NUDT10: variants seen among roughly 807,000 people sequenced by gnomAD.
NUDT10 encodes nudix hydrolase 10.
A neutral mutation model predicts 10.5 loss-of-function variants in NUDT10; 2 were observed. The observed-to-expected ratio is 0.19, with a 90% CI of 0.08 to 0.60. The LOEUF is 0.60. NUDT10 is among the 20% of genes least tolerant of loss of function. The pLI is 0.89. For synonymous variants in NUDT10, 53 were observed against 71.8 expected (o/e 0.74, Z 1.32); for missense variants, 75 against 149.5 (o/e 0.50, Z 2.60).
upstream of NUDT10, chrX:51,332,810 G>A (rs1360436108): frequency 3.4e-6 from 3 of 885,670 alleles, no homozygotes; most frequent in South Asian, 3.0e-5. Context: ...TCCGCTCCCC[G>A]GGCTCGGGGG....
Position 51,337,331 on chromosome X carries a change from CTGATA to C in NUDT10, c.*1102_*1106del, listed in dbSNP as rs782721282. The C allele has an allele frequency of 1.9e-4, 21 of 111,607 alleles. No individual in the cohort carries two copies. Among genetic ancestry groups the C allele is most frequent in the East Asian group, 1.1e-3 (4 of 3,539 alleles). The allele number at this position is 111,607 out of a possible 1,213,427, so 9.2% of individuals were successfully genotyped here. Reference sequence around the variant, plus strand: ...CATCTACATTCTCAAACATCTGTGGCTGATATGATATGATTCTTGGAATTTGCTTC... The same window carrying C: ...CATCTACATTCTCAAACATCTGTGGCTGATATGATTCTTGGAATTTGCTTC... On this transcript the variant is annotated 3_prime_UTR_variant, in exon 2 of 2. Transcript: ENST00000356450.
intron 1 of NUDT10, among the ~76,000 whole-genome samples, chrX:51,334,810 G>A (rs782599219): frequency 9.0e-6 from 1 of 111,613 alleles, no homozygotes; most frequent in Non-Finnish European, 1.9e-5. Flanking sequence ...CTAATTTCTA[G>A]AGCAACCTAG....
At chrX:51,333,787 AGT>A (rs1165447894) in intron 1 of NUDT10, among the ~76,000 whole-genome samples, 1 of 44,800 alleles carries the variant, frequency 2.2e-5, no homozygotes, top group African/African-American at 9.0e-5. Context: ...GTGGGCGGGG[AGT>A]GTGTGTGTCT....
Position 51,332,847 on chromosome X carries a change from C to T in NUDT10, c.-119C>T. On this transcript the variant is annotated 5_prime_UTR_variant, in exon 1 of 2. Transcript: ENST00000356450. ...AGACGGCAGACGGAGGCGCCTCTCT[C>T]TCCCCGCCCCTCTCCTCGGCCCTTT... is the stretch of plus-strand genomic sequence containing the variant. The T allele has an allele frequency of 2.1e-5, 22 of 1,037,399 alleles. No individual in the cohort carries two copies. The South Asian group carries it at 4.7e-4, about 22-fold the overall frequency. 85.5% of individuals were successfully genotyped at this position (1,037,399 alleles called of 1,213,427 possible).
Position 51,337,077 on chromosome X carries a change from A to G in NUDT10, c.*838A>G, listed in dbSNP as rs1922861293. 1 of 112,396 alleles carries G rather than the reference A, an allele frequency of 8.9e-6. No homozygotes were observed. Among genetic ancestry groups the G allele is most frequent in the Non-Finnish European group, 1.9e-5 (1 of 53,336 alleles). The allele number at this position is 112,396 out of a possible 1,213,427, so 9.3% of individuals were successfully genotyped here. On this transcript the variant is annotated 3_prime_UTR_variant, in exon 2 of 2. Transcript: ENST00000356450. Reference sequence around the variant, plus strand: ...TAAGAAACTACAGGACACATGACCTAGTTTCTTCTGTAAATAACTTGCAAG... The same window carrying G: ...TAAGAAACTACAGGACACATGACCTGGTTTCTTCTGTAAATAACTTGCAAG...
intron 1 of NUDT10, among the ~76,000 whole-genome samples, chrX:51,333,815 G>T (rs1265346969): frequency 9.7e-6 from 1 of 103,059 alleles, no homozygotes; most frequent in African/African-American, 3.6e-5. Flanking sequence ...TGCGCCCTGT[G>T]ATGTTTTTGG....
In NUDT10 at chrX:51,332,912, A is replaced by T; in HGVS notation, c.-54A>T. 1.2e-6 allele frequency: 1 copy of T among 854,155 alleles called. No homozygotes were observed. The allele number at this position is 854,155 out of a possible 1,213,427, so 70.4% of individuals were successfully genotyped here. On this transcript the variant is annotated 5_prime_UTR_variant, in exon 1 of 2. Coordinates refer to ENST00000356450, the MANE Select transcript of NUDT10 (RefSeq NM_001304963.2). ...TCGGCTGCTGCCCGGCAGCGGCAGC[A>T]GCTGCGTCGGCGGCCCACACAGCAG... is the stretch of plus-strand genomic sequence containing the variant.
upstream of NUDT10, chrX:51,332,752 T>C (rs1295603497): frequency 1.9e-5 from 10 of 514,833 alleles, no homozygotes; most frequent in Non-Finnish European, 3.0e-5. Flanking sequence ...CTGACACGCC[T>C]CGCTTGCCCC....
At chrX:51,336,051 A>G (rs1490187592) in intron 1 of NUDT10, among the ~76,000 whole-genome samples, 188 bp from the exon 2 acceptor site, 1 of 111,817 alleles carries the variant, frequency 8.9e-6, no homozygotes, top group Non-Finnish European at 1.9e-5. Flanking sequence ...TTCATAATGT[A>G]CCTGGGACAA....
In NUDT10 at chrX:51,333,250, G is replaced by T. The variant is rs1922733590; in HGVS notation, c.285G>T (p.Val95=). The change falls in exon 1 of 2, where the codon GTG becomes GTT. Residue 95 remains valine (V), a synonymous_variant. Transcript: ENST00000356450. ...QNQDPKHRTY[V]YVLTVTELLE... is the part of the protein sequence containing the mutation. The stretch of plus-strand genomic sequence containing the variant: ...AGGACCCCAAGCACAGAACGTACGT[G>T]TATGTACTGACTGTCACGGAGCTGC... 8.3e-7 allele frequency: 1 copy of T among 1,209,343 alleles called. No individual in the cohort carries two copies. The highest frequency in any genetic ancestry group is 1.1e-6 in the Non-Finnish European group (1 of 895,020).
In NUDT10 at chrX:51,332,898, C is replaced by A; in HGVS notation, c.-68C>A. 8.6e-7 allele frequency: 1 copy of A among 1,163,632 alleles called. No individual in the cohort carries two copies. Among genetic ancestry groups the A allele is most frequent in the South Asian group, 2.0e-5 (1 of 50,272 alleles). ...CTCTTCCCAGCACCTCGGCTGCTGCCCGGCAGCGGCAGCAGCTGCGTCGGC... is the reference window on the plus strand; with the variant it reads ...CTCTTCCCAGCACCTCGGCTGCTGCACGGCAGCGGCAGCAGCTGCGTCGGC... On this transcript the variant is annotated 5_prime_UTR_variant, in exon 1 of 2. Transcript: ENST00000356450.
intron 1 of NUDT10, among the ~76,000 whole-genome samples, chrX:51,333,778 T>TGGGGG (rs1569552317): frequency 9.1e-4 from 2 of 2,189 alleles, no homozygotes; most frequent in Admixed American, 7.0e-3. Context: ...GGGCGAGGGG[T>TGGGGG]GGGCGGGGAG....
upstream of NUDT10, chrX:51,332,708 G>C (rs1395666103): frequency 1.0e-5 from 4 of 385,562 alleles, no homozygotes; most frequent in Non-Finnish European, 1.3e-5. Flanking sequence ...GCCCGGGTTC[G>C]GCCGGCCGCC....
intron 1 of NUDT10, among the ~76,000 whole-genome samples, chrX:51,333,689 T>C (rs1218918369): frequency 1.0e-5 from 1 of 96,430 alleles, no homozygotes; most frequent in Non-Finnish European, 2.0e-5. Flanking sequence ...GTAAAATGTT[T>C]CGGAGAAGCC....
At chrX:51,336,133 C>T (rs1304483133) in intron 1 of NUDT10, 106 bp from the exon 2 acceptor site, 1 of 465,365 alleles carries the variant, frequency 2.1e-6, no homozygotes, top group Non-Finnish European at 3.9e-6. Context: ...AAGGCTTTTC[C>T]AATTCAAAAT....
chrX:51,335,939 C>T (rs1403735308), intron 1 of NUDT10, among the ~76,000 whole-genome samples: 1 of 112,113 alleles, frequency 8.9e-6, no homozygotes. Context: ...ACTGAATCCT[C>T]CCCCATATCC....
upstream of NUDT10, chrX:51,332,767 T>C (rs1922702070): frequency 1.7e-6 from 1 of 595,349 alleles, no homozygotes; most frequent in Non-Finnish European, 2.5e-6. Context: ...TGCCCCCGCC[T>C]CCGCCCGTGC....
upstream of NUDT10, chrX:51,332,452 C>T (rs782171214): frequency 8.6e-6 from 1 of 116,569 alleles, no homozygotes; most frequent in East Asian, 2.8e-4. Flanking sequence ...AAGGAGGTTC[C>T]TGGCCCCAGG....
intron 1 of NUDT10, among the ~76,000 whole-genome samples, chrX:51,335,305 C>CAAAAAA (rs35660767): frequency 2.3e-5 from 1 of 43,297 alleles, no homozygotes; most frequent in Non-Finnish European, 4.0e-5. Flanking sequence ...GCGACCGTCT[C>CAAAAAA]AAAAAAAAAA....
Sources: allele counts gnomAD v4.1 joint callset (sites outside exome capture counted in the v4.1 genomes callset), GRCh38; gene constraint gnomAD v4.1.1; transcripts MANE v1.5; gene names NCBI Gene and HGNC (gene_info 2026-07-23, HGNC 2026-07-21).